DOCK4: variants seen among roughly 807,000 people sequenced by gnomAD.
The protein encoded by DOCK4 is dedicator of cytokinesis 4.
In DOCK4, 97 loss-of-function variants were observed where a neutral mutation model predicts 268.1. The ratio of observed to expected loss-of-function variants is 0.36; its 90% CI spans 0.31 to 0.43. DOCK4 has a LOEUF of 0.43. Among genes scored for constraint, DOCK4 ranks in the 20% least tolerant of loss-of-function variants. The pLI, the probability that DOCK4 is intolerant of heterozygous loss-of-function variation, is 1.00. For synonymous variants in DOCK4, 954 were observed against 887.2 expected, an observed-to-expected ratio of 1.08 and a Z score of -1.34; for missense variants, 2,145 against 2,455.7, an observed-to-expected ratio of 0.87 and a Z score of 2.67.
intron 1 of DOCK4, among the ~76,000 whole-genome samples, chr7:112,060,927 A>C (rs1806329309): frequency 6.6e-6 from 1 of 152,254 alleles, no homozygotes; most frequent in South Asian, 2.1e-4. Flanking sequence ...TGTACTTAAT[A>C]CCTCTGAAAT....
At chr7:112,185,433 A>C (rs1315876814) in intron 1 of DOCK4, among the ~76,000 whole-genome samples, 1 of 152,192 alleles carries the variant, frequency 6.6e-6, no homozygotes, top group Non-Finnish European at 1.5e-5. Flanking sequence ...TGTCTACCTT[A>C]TAAGAGTTAA....
intron 41 of DOCK4, among the ~76,000 whole-genome samples, chr7:111,757,086 G>A (rs1038090032): frequency 6.6e-6 from 1 of 152,058 alleles, no homozygotes; most frequent in Non-Finnish European, 1.5e-5. Context: ...AAAGGGCTTG[G>A]CGGGAGAGGA....
chr7:111,945,798 A>G lies in DOCK4; in HGVS notation c.702T>C (p.Ser234=), dbSNP rs1025322900. The change falls in exon 9 of 53, where the codon AGT becomes AGC. Residue 234 remains serine (S), a splice_region_variant and synonymous_variant. Transcript: ENST00000428084. ...LFDSKENRPI[S]ERFFLRLNRN... ...TATTCAGCCTCAAGAAAAATCTCTC[A>G]CTACAAGAGAAAAAATGTTTAACAA... 5 of 1,577,932 alleles carry G rather than the reference A, an allele frequency of 3.2e-6. No homozygotes were observed. The highest frequency in any genetic ancestry group is 1.2e-5 in the South Asian group (1 of 85,698).
At chr7:111,736,270 C>T (rs931718198) in intron 50 of DOCK4, among the ~76,000 whole-genome samples, 6 of 152,100 alleles carry the variant, frequency 3.9e-5, no homozygotes, top group Non-Finnish European at 8.8e-5. Context: ...AGGCTTGACC[C>T]TGAGAGAGGT....
chr7:111,866,611 C>A (rs1320039790), intron 22 of DOCK4, among the ~76,000 whole-genome samples: 1 of 152,152 alleles, frequency 6.6e-6, no homozygotes, highest in Non-Finnish European at 1.5e-5. Context: ...CTGCTCCACT[C>A]TGCTGTACCC....
chr7:112,177,479 C>A (rs941335771), intron 1 of DOCK4, among the ~76,000 whole-genome samples: 1 of 152,150 alleles, frequency 6.6e-6, no homozygotes, highest in Non-Finnish European at 1.5e-5. Context: ...TGTAAATTTG[C>A]AACCCACCAT....
At chr7:112,018,114 A>C in intron 1 of DOCK4, among the ~76,000 whole-genome samples, 1 of 125,750 alleles carries the variant, frequency 8.0e-6, no homozygotes, top group Non-Finnish European at 1.6e-5. Flanking sequence ...GTGTGAACCC[A>C]GCCTGGGCAA....
intron 8 of DOCK4, among the ~76,000 whole-genome samples, chr7:111,954,914 AG>A (rs1270805794): frequency 6.6e-6 from 1 of 152,190 alleles, no homozygotes; most frequent in Non-Finnish European, 1.5e-5. Flanking sequence ...TATAAAGCCC[AG>A]GCCCCACCCT....
At chr7:112,033,154 T>A (rs1401807614) in intron 1 of DOCK4, among the ~76,000 whole-genome samples, 1 of 151,966 alleles carries the variant, frequency 6.6e-6, no homozygotes, top group Admixed American at 6.6e-5. Flanking sequence ...TAATTCCAAG[T>A]GAAATACAAT....
chr7:111,921,388 AT>A (rs1793125641), intron 12 of DOCK4, among the ~76,000 whole-genome samples: 1 of 152,208 alleles, frequency 6.6e-6, no homozygotes, highest in Non-Finnish European at 1.5e-5. Context: ...CATTTATTCT[AT>A]AAGTTGGCTC....
chr7:111,984,610 G>C (rs937390687), intron 6 of DOCK4, among the ~76,000 whole-genome samples: 3 of 152,218 alleles, frequency 2.0e-5, no homozygotes, highest in African/African-American at 7.2e-5. Context: ...AGCAAATCCA[G>C]GAGGGATGGG....
intron 1 of DOCK4, among the ~76,000 whole-genome samples, chr7:112,026,353 C>A (rs1802783997): frequency 6.6e-6 from 1 of 152,160 alleles, no homozygotes; most frequent in African/African-American, 2.4e-5. Flanking sequence ...GAATTGAATG[C>A]CCTAATGGCT....
chr7:111,788,581 A>T (rs1341153144), intron 32 of DOCK4, 81 bp downstream of exon 32: 4 of 1,157,916 alleles, frequency 3.5e-6, no homozygotes, highest in African/African-American at 1.5e-5. Context: ...TGCAGCTCTC[A>T]GCTACCGTGG....
At chr7:111,733,244 A>G (rs1411449933) in intron 51 of DOCK4, among the ~76,000 whole-genome samples, 1 of 152,240 alleles carries the variant, frequency 6.6e-6, no homozygotes, top group Non-Finnish European at 1.5e-5. Context: ...AACAGTGACC[A>G]CAGATGATGA....
intron 8 of DOCK4, among the ~76,000 whole-genome samples, chr7:111,957,971 A>G (rs1012347110): frequency 6.6e-6 from 1 of 152,198 alleles, no homozygotes; most frequent in African/African-American, 2.4e-5. Context: ...ATGTTTCCCC[A>G]GAGACAGGGC....
intron 26 of DOCK4, among the ~76,000 whole-genome samples, chr7:111,826,648 T>A (rs1480699491): frequency 6.6e-6 from 1 of 152,224 alleles, no homozygotes; most frequent in Non-Finnish European, 1.5e-5. Flanking sequence ...AACCAAATAC[T>A]GCGTTCTCAC....
intron 13 of DOCK4, among the ~76,000 whole-genome samples, chr7:111,906,716 A>C (rs144940472): frequency 3.9e-5 from 6 of 152,254 alleles, no homozygotes; most frequent in African/African-American, 1.4e-4. Flanking sequence ...GTCCTTGAAA[A>C]AGGGAGGGGG....
chr7:111,949,824 G>T (rs1795911007), intron 8 of DOCK4, among the ~76,000 whole-genome samples: 1 of 152,188 alleles, frequency 6.6e-6, no homozygotes, highest in African/African-American at 2.4e-5. Context: ...GGAATCTTTG[G>T]ATTATTATTA....
chr7:111,945,640 C>T (rs1318348837), intron 9 of DOCK4, 77 bp downstream of exon 9: 2 of 1,228,974 alleles, frequency 1.6e-6, no homozygotes, highest in Admixed American at 4.8e-5. Context: ...TGTTCTCTCA[C>T]AGTAATTTAT....
Sources: allele counts gnomAD v4.1 joint callset (sites outside exome capture counted in the v4.1 genomes callset), GRCh38; gene constraint gnomAD v4.1.1; transcripts MANE v1.5; gene names NCBI Gene and HGNC (gene_info 2026-07-23, HGNC 2026-07-21).